Variants in BRWD1 observed in about 807,000 individuals in gnomAD.
BRWD1 encodes bromodomain and WD repeat-containing protein 1.
In BRWD1, 82 loss-of-function variants were observed where a neutral mutation model predicts 251.2. The ratio of observed to expected loss-of-function variants is 0.33; its 90% CI spans 0.27 to 0.39. The LOEUF (loss-of-function observed/expected upper bound fraction) is 0.39, where lower values mean the gene tolerates loss of function less well. Among genes scored for constraint, BRWD1 ranks in the 10% least tolerant of loss-of-function variants. The pLI is 1.00. For synonymous variants in BRWD1, 918 were observed against 902.8 expected, an observed-to-expected ratio of 1.02 and a Z score of -0.30; for missense variants, 2,233 against 2,711.6, an observed-to-expected ratio of 0.82 and a Z score of 3.92.
intron 40 of BRWD1, among the ~76,000 whole-genome samples, chr21:39,198,508 T>C (rs753412193): frequency 4.6e-5 from 7 of 152,218 alleles, no homozygotes; most frequent in Non-Finnish European, 8.8e-5. Flanking sequence ...AGAAGTGAAA[T>C]CTTCAATAGG....
chr21:39,275,393 C>A, intron 12 of BRWD1, among the ~76,000 whole-genome samples: 1 of 152,070 alleles, frequency 6.6e-6, no homozygotes, highest in East Asian at 1.9e-4. Context: ...GTAAATCAGA[C>A]ATCTAGCCAA....
upstream of BRWD1, among the ~76,000 whole-genome samples, chr21:39,316,469 G>A (rs1000156880): frequency 6.6e-6 from 1 of 152,174 alleles, no homozygotes; most frequent in African/African-American, 2.4e-5. Flanking sequence ...CATCAAGAGG[G>A]GAGAATTTAA....
At chr21:39,312,378 C>T (rs2036515640) in intron 4 of BRWD1, among the ~76,000 whole-genome samples, 1 of 152,250 alleles carries the variant, frequency 6.6e-6, no homozygotes, top group African/African-American at 2.4e-5. Context: ...AAGCTCAACA[C>T]AAGAACATTT....
intron 8 of BRWD1, among the ~76,000 whole-genome samples, chr21:39,292,682 T>A (rs995518405): frequency 6.6e-6 from 1 of 152,194 alleles, no homozygotes; most frequent in Non-Finnish European, 1.5e-5. Flanking sequence ...CAGGATACAA[T>A]GGGCAACATC....
At chr21:39,240,665 T>C (rs1383988687) in intron 21 of BRWD1, among the ~76,000 whole-genome samples, 2 of 152,164 alleles carry the variant, frequency 1.3e-5, no homozygotes, top group Admixed American at 6.5e-5. Context: ...AATCATGCCA[T>C]AAAGTACTAC....
intron 8 of BRWD1, among the ~76,000 whole-genome samples, chr21:39,283,919 A>G (rs2035551479): frequency 6.6e-6 from 1 of 152,100 alleles, no homozygotes; most frequent in Non-Finnish European, 1.5e-5. Context: ...ATGAACTATG[A>G]TTTCTAAAAG....
At chr21:39,252,035 G>A (rs1043059717) in intron 19 of BRWD1, among the ~76,000 whole-genome samples, 2 of 152,040 alleles carry the variant, frequency 1.3e-5, no homozygotes, top group Admixed American at 1.3e-4. Context: ...AGGAGGCCAA[G>A]GTACATGGAT....
At chr21:39,320,667 CTTT>C (rs35218849) in intron 1 of BRWD1, among the ~76,000 whole-genome samples, 1,498 of 99,154 alleles carry the variant, frequency 0.015, 26 homozygotes, top group African/African-American at 0.056. Context: ...AGAGTCATAT[CTTT>C]TTTTTTTTTT....
Position 39,312,893 on chromosome 21 carries a change from G to A in BRWD1, c.146C>T (p.Pro49Leu), listed in dbSNP as rs1316816260. The change falls in exon 4 of 41, where the codon CCG (proline) becomes CTG (leucine). Residue 49 changes from proline (P) to leucine (L), a missense_variant. Physicochemically the swap from Pro to Leu is moderately conservative, Grantham distance 98. This residue lies in a region of BRWD1 where 101 missense variants were observed against 95.6 expected (regional missense o/e 1.06). Transcript: ENST00000342449. ...VQELEQYQLL[P>L]KRLDWEGNEH... Reference sequence around the variant, plus strand: ...GTTGCCCTCCCAGTCCAATCTCTTCGGCAACAACTGGAAAGACACGAAACG... The same window carrying A: ...GTTGCCCTCCCAGTCCAATCTCTTCAGCAACAACTGGAAAGACACGAAACG... The A allele has an allele frequency of 1.3e-6, 2 of 1,524,788 alleles. No homozygotes were observed. The highest frequency in any genetic ancestry group is 1.8e-6 in the Non-Finnish European group (2 of 1,135,388). 94.5% of individuals were successfully genotyped at this position (1,524,788 alleles called of 1,614,324 possible). A position where few individuals can be genotyped will look rare whatever the true frequency, so the allele number is the denominator to read the frequency against.
chr21:39,188,103 A>G lies in BRWD1; in HGVS notation c.*8156T>C. ...TGACCAAACTTAGGAGGGCTCAGAT[A>G]TGTTTGTTACCAGTGTCTCAAAGCC... On this transcript the variant is annotated 3_prime_UTR_variant, in exon 41 of 41. Coordinates refer to ENST00000342449, the MANE Select transcript of BRWD1 (RefSeq NM_033656.4). The G allele has an allele frequency of 1.0e-6, 1 of 985,428 alleles. No individual in the cohort carries two copies. The highest frequency in any genetic ancestry group is 1.2e-6 in the Non-Finnish European group (1 of 829,924). The allele number at this position is 985,428 out of a possible 1,614,324, so 61.0% of individuals were successfully genotyped here. A position where few individuals can be genotyped will look rare whatever the true frequency, so the allele number is the denominator to read the frequency against.
At chr21:39,312,110 TAG>T (rs1316452516) in intron 4 of BRWD1, among the ~76,000 whole-genome samples, 3 of 152,192 alleles carry the variant, frequency 2.0e-5, no homozygotes, top group Admixed American at 6.5e-5. Flanking sequence ...GCTGTAACTA[TAG>T]ATAAAAGCAA....
intron 14 of BRWD1, 90 bp downstream of exon 14, chr21:39,270,193 A>C: frequency 7.7e-7 from 1 of 1,291,770 alleles, no homozygotes; most frequent in South Asian, 1.8e-5. Flanking sequence ...TGAGAGAAAC[A>C]ACTTGTTCAA....
At chr21:39,284,511 C>A (rs1056927389) in intron 8 of BRWD1, among the ~76,000 whole-genome samples, 1 of 151,804 alleles carries the variant, frequency 6.6e-6, no homozygotes, top group South Asian at 2.1e-4. Context: ...TACTGTTTCC[C>A]ATAATAGTTG....
Position 39,192,199 on chromosome 21 carries a change from A to T in BRWD1, c.*4060T>A. On this transcript the variant is annotated 3_prime_UTR_variant, in exon 41 of 41. Coordinates refer to ENST00000342449, the MANE Select transcript of BRWD1 (RefSeq NM_033656.4). ...TCCTTGGGCAACATCTCTGTAATTT[A>T]ACAGCCTTTAAAACTTAAAATCGTA... 2.0e-6 allele frequency: 2 copies of T among 985,330 alleles called. No homozygotes were observed. The highest frequency in any genetic ancestry group is 2.4e-6 in the Non-Finnish European group (2 of 829,858). The allele number at this position is 985,330 out of a possible 1,614,324, so 61.0% of individuals were successfully genotyped here. A position where few individuals can be genotyped will look rare whatever the true frequency, so the allele number is the denominator to read the frequency against.
rs2032957954 is a variant in BRWD1, at chr21:39,217,054, TATA to T, written c.3659+1095_3659+1097del. ...ATATATAAATATATATATATATTTATATATATATATATATATATATATATATAT... is the reference window on the plus strand; with the variant it reads ...ATATATAAATATATATATATATTTATTATATATATATATATATATATATAT... On this transcript the variant is annotated intron_variant, in intron 31 of 40. Coordinates refer to ENST00000342449, the MANE Select transcript of BRWD1 (RefSeq NM_033656.4). The T allele has an allele frequency of 2.3e-4, 4 of 17,592 alleles. No homozygotes were observed. The East Asian group carries it at 5.9e-3, about 26-fold the overall frequency. The allele number at this position is 17,592 out of a possible 1,614,324, so 1.1% of individuals were successfully genotyped here.
At chr21:39,228,943 A>C (rs1315552468) in intron 26 of BRWD1, among the ~76,000 whole-genome samples, 1 of 152,218 alleles carries the variant, frequency 6.6e-6, no homozygotes, top group Non-Finnish European at 1.5e-5. Flanking sequence ...TCAAGTGAGC[A>C]GTAGCCACAT....
Position 39,190,352 on chromosome 21 carries a change from C to T in BRWD1, c.*5907G>A. 2.0e-6 allele frequency: 2 copies of T among 985,128 alleles called. No homozygotes were observed. The highest frequency in any genetic ancestry group is 2.4e-6 in the Non-Finnish European group (2 of 829,758). 61.0% of individuals were successfully genotyped at this position (985,128 alleles called of 1,614,324 possible). On this transcript the variant is annotated 3_prime_UTR_variant, in exon 41 of 41. Coordinates refer to ENST00000342449, the MANE Select transcript of BRWD1 (RefSeq NM_033656.4). ...TACTACAGAAGCATTATAAAATTTT[C>T]ATTGGCATTTTTAAAATTGGAGCAT...
At chr21:39,225,438 A>G (rs2033343774) in intron 27 of BRWD1, among the ~76,000 whole-genome samples, 1 of 152,214 alleles carries the variant, frequency 6.6e-6, no homozygotes, top group East Asian at 1.9e-4. Flanking sequence ...AAACTGCACT[A>G]GATCTGTGTT....
chr21:39,213,927 C>CATAT (rs749389533), intron 32 of BRWD1, among the ~76,000 whole-genome samples: 1 of 148,334 alleles, frequency 6.7e-6, no homozygotes. Flanking sequence ...TATATATATA[C>CATAT]ATATATATAT....
Sources: gnomAD v4.1 joint callset for allele counts (sites outside exome capture counted in the v4.1 genomes callset) on GRCh38, gnomAD v4.1.1 for gene constraint, gnomAD v4.1.1 regional missense constraint, MANE v1.5 for transcripts, NCBI Gene and HGNC (gene_info 2026-07-23, HGNC 2026-07-21) for gene names.